The following ARMC8 variants were observed in gnomAD, a reference collection of about 807,000 sequenced individuals.
ARMC8 encodes armadillo repeat-containing protein 8.
ARMC8 carries 20 observed loss-of-function variants against 99.3 expected under a neutral mutation model. The observed-to-expected ratio is 0.20, with a 90% confidence interval of 0.14 to 0.29. The LOEUF is 0.29. Ranked by LOEUF, ARMC8 falls within the 10% of genes least tolerant of loss-of-function variation. The pLI, the probability that ARMC8 is intolerant of heterozygous loss-of-function variation, is 1.00. For missense variants in ARMC8, 569 were observed against 809.5 expected (o/e 0.70, Z 3.60); for synonymous variants, 263 against 278.3 (o/e 0.95, Z 0.55).
intron 12 of ARMC8, among the ~76,000 whole-genome samples, chr3:138,255,462 A>C (rs2047352009): frequency 6.6e-6 from 1 of 151,634 alleles, no homozygotes; most frequent in Non-Finnish European, 1.5e-5. Flanking sequence ...TTGGCCTCCC[A>C]AAGTGCTGGG....
At chr3:138,246,984 G>A in intron 12 of ARMC8, 1 of 516,406 alleles carries the variant, frequency 1.9e-6, no homozygotes, top group Non-Finnish European at 2.5e-6. Flanking sequence ...GAAATTAAGT[G>A]TTTGAATAAT....
chr3:138,288,431 CTG>C (rs549328164), intron 19 of ARMC8, among the ~76,000 whole-genome samples: 135 of 152,318 alleles, frequency 8.9e-4, no homozygotes, highest in African/African-American at 2.9e-3. Flanking sequence ...AAATTGCAAA[CTG>C]TACCCATAGC....
chr3:138,248,665 A>G (rs540114600), intron 12 of ARMC8, among the ~76,000 whole-genome samples: 5 of 152,344 alleles, frequency 3.3e-5, no homozygotes, highest in Middle Eastern at 3.4e-3. Flanking sequence ...TATGAAGACC[A>G]TCACTTGATT....
At chr3:138,230,068 A>G (rs542130290) in intron 6 of ARMC8, among the ~76,000 whole-genome samples, 41 of 152,174 alleles carry the variant, frequency 2.7e-4, no homozygotes, top group Non-Finnish European at 4.9e-4. Context: ...GATTATCACA[A>G]TCTATTCAGT....
rs1009606457 is a variant in ARMC8, at chr3:138,230,091, T to C, written c.528+1081T>C. Among the ~76,000 whole-genome samples, 10 of 152,338 alleles carry C rather than the reference T, an allele frequency of 6.6e-5. No homozygotes were observed. The East Asian group carries it at 1.9e-3, about 29-fold the overall frequency. On this transcript the variant is annotated intron_variant, in intron 6 of 21. Transcript: ENST00000469044. ...CAATCTATTCAGTACTATTTAAGAT[T>C]TTTGTGAAAAAGTTTTGAAGTTTCT... is the stretch of plus-strand genomic sequence containing the variant.
chr3:138,266,292 C>G (rs888212496), intron 14 of ARMC8, among the ~76,000 whole-genome samples: 2 of 152,174 alleles, frequency 1.3e-5, no homozygotes, highest in Admixed American at 6.5e-5. Context: ...ACACTCTACT[C>G]TCCAGCTACA....
chr3:138,229,118 A>T (rs2045846588), intron 6 of ARMC8, 108 bp downstream of exon 6: 1 of 291,402 alleles, frequency 3.4e-6, no homozygotes, highest in Non-Finnish European at 6.7e-6. Flanking sequence ...ATATAAGTAG[A>T]CCTGTGTGTG....
At chr3:138,198,143 C>T (rs2043842741) in intron 1 of ARMC8, among the ~76,000 whole-genome samples, 1 of 151,984 alleles carries the variant, frequency 6.6e-6, no homozygotes, top group African/African-American at 2.4e-5. Flanking sequence ...TTGAGACCAG[C>T]CTACACAGCA....
At chr3:138,276,297 C>T (rs1005133036) in intron 18 of ARMC8, among the ~76,000 whole-genome samples, 1 of 152,196 alleles carries the variant, frequency 6.6e-6, no homozygotes, top group Non-Finnish European at 1.5e-5. Context: ...ATAAGCTGCA[C>T]ATATTTAAAG....
chr3:138,256,515 A>C (rs1451997759), intron 12 of ARMC8, among the ~76,000 whole-genome samples: 1 of 138,112 alleles, frequency 7.2e-6, no homozygotes, highest in African/African-American at 2.8e-5. Context: ...GGTTCACGCC[A>C]TTCTCCCGCC....
chr3:138,292,035 T>C (rs1391423417), intron 21 of ARMC8, among the ~76,000 whole-genome samples: 1 of 152,190 alleles, frequency 6.6e-6, no homozygotes, highest in African/African-American at 2.4e-5. Context: ...TTTCTTTTTT[T>C]CTTTCTTTTC....
At chr3:138,214,180 G>A (rs567874451) in intron 2 of ARMC8, among the ~76,000 whole-genome samples, 1 of 150,560 alleles carries the variant, frequency 6.6e-6, no homozygotes, top group African/African-American at 2.4e-5. Flanking sequence ...AAAAAGGTTA[G>A]CAGATATCCC....
intron 6 of ARMC8, among the ~76,000 whole-genome samples, chr3:138,234,565 T>C (rs560784024): frequency 1.2e-3 from 187 of 152,318 alleles, no homozygotes; most frequent in African/African-American, 4.3e-3. Flanking sequence ...TCCAGTTCCT[T>C]TTACAATTCA....
chr3:138,223,767 A>G lies in ARMC8; in HGVS notation c.435+34A>G, dbSNP rs371165857. ...TAGATGTATTTGAGACATTAGTTACATTTCACCAACAGCCTACTCCTAATT... is the reference window on the plus strand; with the variant it reads ...TAGATGTATTTGAGACATTAGTTACGTTTCACCAACAGCCTACTCCTAATT... On this transcript the variant is annotated intron_variant, in intron 5 of 21. Transcript: ENST00000469044. 332 of 1,550,300 alleles carry G rather than the reference A, an allele frequency of 2.1e-4. 1 individual carries two copies. The highest frequency in any genetic ancestry group is 3.0e-4 in the Admixed American group (18 of 59,860).
intron 6 of ARMC8, among the ~76,000 whole-genome samples, chr3:138,231,335 T>C (rs749126241): frequency 2.6e-5 from 4 of 152,136 alleles, no homozygotes; most frequent in Non-Finnish European, 5.9e-5. Context: ...TTAAGACTCA[T>C]AGGGACTCAC....
At chr3:138,212,718 G>A (rs2044771194) in intron 2 of ARMC8, among the ~76,000 whole-genome samples, 4 of 152,136 alleles carry the variant, frequency 2.6e-5, no homozygotes, top group Admixed American at 2.6e-4. Context: ...TCATCATTAA[G>A]TCACCATTAA....
At position 138,214,729 on chromosome 3, in the gene ARMC8, T is replaced by C. The variant is rs575056895; in HGVS notation, c.122+4836T>C. ...TGGAGTGCAGCAGCGTGATCTCAACTCACTGCAACCTCTGCTTCCTGGGTT... is the reference window on the plus strand; with the variant it reads ...TGGAGTGCAGCAGCGTGATCTCAACCCACTGCAACCTCTGCTTCCTGGGTT... On this transcript the variant is annotated intron_variant, in intron 2 of 21. Transcript: ENST00000469044. Among the ~76,000 whole-genome samples, 3 of 152,350 alleles carry C rather than the reference T, an allele frequency of 2.0e-5. No homozygotes were observed. In the East Asian group the frequency reaches 5.8e-4, roughly 29 times the overall value.
rs142863454 is a variant in ARMC8, at chr3:138,236,169, C to T, written c.609+1055C>T. 1.1e-4 allele frequency among the ~76,000 whole-genome samples: 16 copies of T among 152,260 alleles called. No individual in the cohort carries two copies. In the East Asian group the frequency reaches 3.1e-3, roughly 29 times the overall value. ...ACTAATGTGTATGTTTTCCCTACCT[C>T]AGCTATCTAGTTTAGTCTTGGTAAA... On this transcript the variant is annotated intron_variant, in intron 7 of 21. Transcript: ENST00000469044.
At chr3:138,215,382 A>C (rs1318881376) in intron 2 of ARMC8, among the ~76,000 whole-genome samples, 3 of 151,936 alleles carry the variant, frequency 2.0e-5, no homozygotes, top group Non-Finnish European at 2.9e-5. Flanking sequence ...ATGCCCGGCT[A>C]ATTTTTTGTA....
Sources: gnomAD v4.1 joint callset for allele counts (sites outside exome capture counted in the v4.1 genomes callset) on GRCh38, gnomAD v4.1.1 for gene constraint, MANE v1.5 for transcripts, NCBI Gene and HGNC (gene_info 2026-07-23, HGNC 2026-07-21) for gene names.